Variants in POU2F2 observed in about 807,000 individuals in gnomAD.
POU2F2 encodes the protein POU domain, class 2, transcription factor 2.
In POU2F2, 14 loss-of-function variants were observed where a neutral mutation model predicts 63.5. The observed-to-expected ratio is 0.22, with a 90% CI of 0.15 to 0.34. The LOEUF (loss-of-function observed/expected upper bound fraction) is 0.34. Among genes scored for constraint, POU2F2 ranks in the 10% least tolerant of loss-of-function variants. POU2F2 has a pLI of 1.00. For missense variants in POU2F2, 607 were observed against 815.2 expected, an observed-to-expected ratio of 0.74 and a Z score of 3.11; for synonymous variants, 306 against 348.6, an observed-to-expected ratio of 0.88 and a Z score of 1.36.
intron 1 of POU2F2, among the ~76,000 whole-genome samples, chr19:42,161,963 C>T (rs1280876101): frequency 1.3e-5 from 2 of 152,228 alleles, no homozygotes; most frequent in Non-Finnish European, 1.5e-5. Flanking sequence ...AAATCGATGG[C>T]GTTTAATCGC....
rs955720633 is a variant in POU2F2, at chr19:42,087,894, A to T, written c.*3363T>A. Reference sequence around the variant, plus strand: ...ACACACGGACACAGGCTCTGTACAGACCACAAAATAAAAACGATGAGATAG... The same window carrying T: ...ACACACGGACACAGGCTCTGTACAGTCCACAAAATAAAAACGATGAGATAG... On this transcript the variant is annotated 3_prime_UTR_variant, in exon 15 of 15. Coordinates refer to ENST00000692977, the MANE Select transcript of POU2F2 (RefSeq NM_001394376.1). 1 of 152,024 alleles carries T rather than the reference A, an allele frequency of 6.6e-6. No homozygotes were observed. Among genetic ancestry groups the T allele is most frequent in the Non-Finnish European group, 1.5e-5 (1 of 68,046 alleles). 9.4% of individuals were successfully genotyped at this position (152,024 alleles called of 1,614,324 possible).
chr19:42,117,149 G>T lies in POU2F2; in HGVS notation c.369+101C>A. ...AAGAGGGCAAGAGGCAGGTGTGAGA[G>T]AGTGGCCATGGCCTTGGTGGAACAG... On this transcript the variant is annotated intron_variant, in intron 5 of 14. Coordinates refer to ENST00000692977, the MANE Select transcript of POU2F2 (RefSeq NM_001394376.1). This position sits in a 1 kb window ranked among gnomAD's most constrained non-coding sequence, Gnocchi z 4.4. 1 of 971,618 alleles carries T rather than the reference G, an allele frequency of 1.0e-6. No individual in the cohort carries two copies. Among genetic ancestry groups the T allele is most frequent in the Non-Finnish European group, 1.5e-6 (1 of 653,282 alleles). The allele number at this position is 971,618 out of a possible 1,614,324, so 60.2% of individuals were successfully genotyped here.
chr19:42,091,522 G>C lies in POU2F2; in HGVS notation c.1610C>G (p.Ala537Gly). The C allele has an allele frequency of 6.5e-7, 1 of 1,546,302 alleles. No homozygotes were observed. Among genetic ancestry groups the C allele is most frequent in the African/African-American group, 1.4e-5 (1 of 73,108 alleles). Residue 537 changes from alanine (A) to glycine (G), a missense_variant, in exon 15 of 15, where the codon GCC (alanine) becomes GGC (glycine). Coordinates refer to ENST00000692977, the MANE Select transcript of POU2F2 (RefSeq NM_001394376.1). ...DGSGNLVLGA[A>G]GAAPGSPGLV... ...GCCAGGGCTCCCCGGGGCTGCACCG[G>C]CTGCCCCCAGCACCAGATTCCCGCT...
rs2034707537 is a variant in POU2F2, at chr19:42,169,147, G to A, written c.-70+6816C>T. ...ATCTACCTATTTTGTTTTGCTTTAG[G>A]GGGATGAGGCTAGCCTGGGGGGTGT... is the stretch of plus-strand genomic sequence containing the variant. On this transcript the variant is annotated intron_variant, in intron 1 of 6. Coordinates refer to the POU2F2 transcript ENST00000524801. The surrounding 1 kb of genome is among the most constrained non-coding windows in gnomAD (Gnocchi z 4.3). Among the ~76,000 whole-genome samples, 1 of 152,090 alleles carries A rather than the reference G, an allele frequency of 6.6e-6. No individual in the cohort carries two copies. The highest frequency in any genetic ancestry group is 1.5e-5 in the Non-Finnish European group (1 of 67,998).
chr19:42,121,256 G>A (rs1014957998), intron 4 of POU2F2, among the ~76,000 whole-genome samples: 22 of 152,114 alleles, frequency 1.4e-4, no homozygotes, highest in African/African-American at 3.9e-4. Flanking sequence ...CCTAGACCCC[G>A]TTCAAAGCGC....
At chr19:42,171,433 TGTGTG>T (rs1568423048) in intron 1 of POU2F2, among the ~76,000 whole-genome samples, 6 of 97,772 alleles carry the variant, frequency 6.1e-5, no homozygotes, top group East Asian at 3.2e-4. Flanking sequence ...CTGCGCTTCG[TGTGTG>T]TGTGTGTGTG....
Position 42,086,616 on chromosome 19 carries a change from T to C in POU2F2, c.*4641A>G, listed in dbSNP as rs1448048275. The stretch of plus-strand genomic sequence containing the variant: ...AGTGGGACAAGAGGCCAGAAAGGAG[T>C]TGAAAGTTCAGGCCCCTGCTCTTCC... On this transcript the variant is annotated 3_prime_UTR_variant, in exon 15 of 15. Coordinates refer to ENST00000692977, the MANE Select transcript of POU2F2 (RefSeq NM_001394376.1). The C allele has an allele frequency of 3.3e-5, 5 of 151,926 alleles. No individual in the cohort carries two copies. In the East Asian group the frequency reaches 9.7e-4, roughly 29 times the overall value. 9.4% of individuals were successfully genotyped at this position (151,926 alleles called of 1,614,324 possible). A position where few individuals can be genotyped will look rare whatever the true frequency, so the allele number is the denominator to read the frequency against.
At chr19:42,119,467 G>T (rs1336668020) in intron 4 of POU2F2, among the ~76,000 whole-genome samples, 1 of 152,240 alleles carries the variant, frequency 6.6e-6, no homozygotes, top group Non-Finnish European at 1.5e-5. Context: ...GAGGTCTGGA[G>T]TTCGAGACCA....
At chr19:42,180,332 G>C (rs112440529), upstream of POU2F2, among the ~76,000 whole-genome samples, 2 of 152,066 alleles carry the variant, frequency 1.3e-5, no homozygotes, top group Non-Finnish European at 2.9e-5. Flanking sequence ...CACCCACTCC[G>C]CTTGCATACA....
In POU2F2 at chr19:42,088,254, AT is replaced by A. The variant is rs897198539; in HGVS notation, c.*3002del. The stretch of plus-strand genomic sequence containing the variant: ...TTGGTTATTTTTCCCCCTCCCAGGA[AT>A]TTTTTTTTCTTGTTTTTCTTTTCCT... On this transcript the variant is annotated 3_prime_UTR_variant, in exon 15 of 15. Transcript: ENST00000692977. The A allele has an allele frequency of 1.3e-3, 200 of 151,620 alleles. 1 individual carries two copies. Among genetic ancestry groups the A allele is most frequent in the African/African-American group, 4.6e-3 (188 of 41,308 alleles). 9.4% of individuals were successfully genotyped at this position (151,620 alleles called of 1,614,324 possible). A position where few individuals can be genotyped will look rare whatever the true frequency, so the allele number is the denominator to read the frequency against.
chr19:42,092,891 C>T lies in POU2F2; in HGVS notation c.1265-621G>A, dbSNP rs1029142423. On this transcript the variant is annotated intron_variant, in intron 12 of 14. Transcript: ENST00000692977. This position sits in a 1 kb window ranked among gnomAD's most constrained non-coding sequence, Gnocchi z 5.0. ...GCACTTACTACTTTATAAATCTCCA[C>T]TTACTATTTTCTAGCCTGGGGAGGG... 6.7e-6 allele frequency among the ~76,000 whole-genome samples: 1 copy of T among 148,340 alleles called. No individual in the cohort carries two copies. Among genetic ancestry groups the T allele is most frequent in the African/African-American group, 2.5e-5 (1 of 39,916 alleles).
chr19:42,145,025 T>A (rs1200926527), intron 2 of POU2F2, among the ~76,000 whole-genome samples: 1 of 152,246 alleles, frequency 6.6e-6, no homozygotes, highest in Non-Finnish European at 1.5e-5. Flanking sequence ...GTGTGGCCTA[T>A]GTGTCACTTG....
At chr19:42,190,293 GTA>G (rs1397177580) in intron 1 of POU2F2, among the ~76,000 whole-genome samples, 1 of 151,778 alleles carries the variant, frequency 6.6e-6, no homozygotes, top group East Asian at 1.9e-4. Context: ...ATATATGTGT[GTA>G]TATATATGTA....
chr19:42,122,735 C>T (rs1195614173), intron 1 of POU2F2, among the ~76,000 whole-genome samples, 159 bp from the exon 2 acceptor site: 2 of 152,096 alleles, frequency 1.3e-5, no homozygotes, highest in Non-Finnish European at 2.9e-5. Flanking sequence ...GTCCTCCGTT[C>T]TGGGCCTCTG....
At chr19:42,136,107 A>C (rs576863871), upstream of POU2F2, among the ~76,000 whole-genome samples, 1 of 151,856 alleles carries the variant, frequency 6.6e-6, no homozygotes, top group African/African-American at 2.4e-5. Flanking sequence ...AGTATCCAGC[A>C]TTCAGGGACT....
chr19:42,089,605 C>T lies in POU2F2; in HGVS notation c.*1652G>A, dbSNP rs1189266024. On this transcript the variant is annotated 3_prime_UTR_variant, in exon 15 of 15. Coordinates refer to ENST00000692977, the MANE Select transcript of POU2F2 (RefSeq NM_001394376.1). ...TTGTGAAGAGAAAGAAGCATCCGTC[C>T]TTCCATCCGCCTTGGGGAACAAGGG... 1.3e-5 allele frequency: 2 copies of T among 152,282 alleles called. No homozygotes were observed. Among genetic ancestry groups the T allele is most frequent in the African/African-American group, 4.8e-5 (2 of 41,338 alleles). 9.4% of individuals were successfully genotyped at this position (152,282 alleles called of 1,614,324 possible).
At chr19:42,138,163 G>T in intron 2 of POU2F2, among the ~76,000 whole-genome samples, 1 of 152,206 alleles carries the variant, frequency 6.6e-6, no homozygotes, top group East Asian at 1.9e-4. Flanking sequence ...AGGATGGAGT[G>T]TGGGGGTCAG....
chr19:42,146,509 T>TCC (rs2034237459), intron 2 of POU2F2, among the ~76,000 whole-genome samples: 2 of 152,248 alleles, frequency 1.3e-5, no homozygotes, highest in South Asian at 4.1e-4. Flanking sequence ...TGCACAATGC[T>TCC]CCCCAGCTCC....
intron 1 of POU2F2, among the ~76,000 whole-genome samples, chr19:42,130,931 G>A (rs1346949603): frequency 3.6e-5 from 1 of 27,484 alleles, no homozygotes; most frequent in Admixed American, 4.6e-4. Flanking sequence ...CCCCATCCCA[G>A]CCCCAACCCC....
Sources: allele counts gnomAD v4.1 joint callset (sites outside exome capture counted in the v4.1 genomes callset), GRCh38; gene constraint gnomAD v4.1.1; non-coding constraint Gnocchi (gnomAD v3.1); transcripts MANE v1.5; gene names NCBI Gene and HGNC (gene_info 2026-07-23, HGNC 2026-07-21).